The following SEMA6D variants were observed in gnomAD, a reference collection of about 807,000 sequenced individuals.
SEMA6D encodes the protein semaphorin 6D, also known as semaphorin-6D.
Under a neutral mutation model 106.6 loss-of-function variants are expected in SEMA6D, and 35 were observed. That is an observed-to-expected ratio of 0.33 (90% CI 0.25 to 0.44). SEMA6D has a LOEUF of 0.44. Among genes scored for constraint, SEMA6D ranks in the 20% least tolerant of loss-of-function variants. The pLI is 1.00. For synonymous variants in SEMA6D, 499 were observed against 487.7 expected, an observed-to-expected ratio of 1.02 and a Z score of -0.31; for missense variants, 1,185 against 1,345.9, an observed-to-expected ratio of 0.88 and a Z score of 1.87.
At chr15:47,469,341 CGTGTGT>C (rs113272376) in intron 2 of SEMA6D, among the ~76,000 whole-genome samples, 2,484 of 147,098 alleles carry the variant, frequency 0.017, 78 homozygotes, top group African/African-American at 0.059. Context: ...CACGCATGTG[CGTGTGT>C]GTGTGTGTGT....
At chr15:47,669,877 T>G (rs988465191) in intron 4 of SEMA6D, among the ~76,000 whole-genome samples, 11 of 152,222 alleles carry the variant, frequency 7.2e-5, no homozygotes, top group African/African-American at 2.7e-4. Context: ...CCAACCCATC[T>G]TCTTCCAGAC....
Position 47,764,668 on chromosome 15 carries a change from C to T in SEMA6D, c.1128C>T (p.Ala376=), listed in dbSNP as rs769055999. The change falls in exon 12 of 19, where the codon GCC becomes GCT. Residue 376 remains alanine, a synonymous_variant. Transcript: ENST00000536845. ...RPGCCAKHGL[A]EAYKTSIDFP... ...GCTGTTGTGCAAAACACGGCCTTGCCGAAGCTTATAAAACCTCCATCGATT... is the reference window on the plus strand; with the variant it reads ...GCTGTTGTGCAAAACACGGCCTTGCTGAAGCTTATAAAACCTCCATCGATT... 17 of 1,613,890 alleles carry T rather than the reference C, an allele frequency of 1.1e-5. No homozygotes were observed. Among genetic ancestry groups the T allele is most frequent in the East Asian group, 2.2e-5 (1 of 44,892 alleles).
intron 1 of SEMA6D, among the ~76,000 whole-genome samples, chr15:47,229,390 T>TA (rs1356087682): frequency 2.6e-5 from 4 of 151,876 alleles, no homozygotes; most frequent in Non-Finnish European, 5.9e-5. Context: ...CATGTGGTCT[T>TA]AAAAAAATGG....
rs1195657551 is a variant in SEMA6D, at chr15:47,415,502, TCTC to T, written c.-159+3037_-159+3039del. 2.0e-5 allele frequency among the ~76,000 whole-genome samples: 3 copies of T among 152,026 alleles called. No individual in the cohort carries two copies. The East Asian group carries it at 5.8e-4, about 29-fold the overall frequency. Reference sequence around the variant, plus strand: ...AAACCCTGTGTATCTTCCTGCCCCTTCTCCTCCTCTCTACCCGCTCCCGTCTCC... The same window carrying T: ...AAACCCTGTGTATCTTCCTGCCCCTTCTCCTCTCTACCCGCTCCCGTCTCC... On this transcript the variant is annotated intron_variant, in intron 2 of 19. Transcript: ENST00000558014.
chr15:47,302,319 T>C (rs955490640), intron 1 of SEMA6D, among the ~76,000 whole-genome samples: 2 of 152,230 alleles, frequency 1.3e-5, no homozygotes, highest in African/African-American at 4.8e-5. Context: ...AGCCCTTTTC[T>C]GTCTCTTGCA....
chr15:47,395,031 C>CA (rs1595896585), intron 1 of SEMA6D, among the ~76,000 whole-genome samples: 1 of 151,952 alleles, frequency 6.6e-6, no homozygotes, highest in Non-Finnish European at 1.5e-5. Context: ...CAAATATATG[C>CA]AGCTTTCCTG....
intron 3 of SEMA6D, among the ~76,000 whole-genome samples, chr15:47,485,727 C>T (rs543934143): frequency 6.6e-6 from 1 of 152,268 alleles, no homozygotes; most frequent in Admixed American, 6.5e-5. Flanking sequence ...AGGCATAGCA[C>T]CGAGCCACAG....
chr15:47,352,984 T>C (rs1446625275), intron 1 of SEMA6D, among the ~76,000 whole-genome samples: 4 of 152,150 alleles, frequency 2.6e-5, no homozygotes, highest in Non-Finnish European at 5.9e-5. Flanking sequence ...TCTATACAAA[T>C]GTTTATTTAA....
intron 3 of SEMA6D, among the ~76,000 whole-genome samples, chr15:47,581,065 C>T (rs1319763332): frequency 6.6e-6 from 1 of 152,198 alleles, no homozygotes; most frequent in Admixed American, 6.5e-5. Flanking sequence ...CTTGTTCTAT[C>T]GCATTACAAT....
Position 47,650,699 on chromosome 15 carries a change from A to C in SEMA6D, c.-55+49803A>C, listed in dbSNP as rs9888694. Reference sequence around the variant, plus strand: ...TCCCCTATAGAGAATAGGAAAATGCAGATTAAAGAGATGAAGCAATTCACG... The same window carrying C: ...TCCCCTATAGAGAATAGGAAAATGCCGATTAAAGAGATGAAGCAATTCACG... On this transcript the variant is annotated intron_variant, in intron 4 of 19. Transcript: ENST00000558014. 8.5e-3 allele frequency among the ~76,000 whole-genome samples: 1,295 copies of C among 152,310 alleles called. 22 individuals carry two copies. The highest frequency in any genetic ancestry group is 0.03 in the African/African-American group (1,252 of 41,570).
chr15:47,676,971 A>G (rs1301564485), intron 4 of SEMA6D, among the ~76,000 whole-genome samples: 3 of 152,168 alleles, frequency 2.0e-5, no homozygotes, highest in East Asian at 3.9e-4. Flanking sequence ...GTTCCACCTC[A>G]GATCATCAGG....
At chr15:47,654,576 G>A (rs576382286) in intron 4 of SEMA6D, among the ~76,000 whole-genome samples, 3 of 152,296 alleles carry the variant, frequency 2.0e-5, no homozygotes, top group Admixed American at 6.5e-5. Context: ...CAATGTTGGC[G>A]ATTGGGCCTG....
At chr15:47,365,386 G>A (rs1444087513) in intron 1 of SEMA6D, among the ~76,000 whole-genome samples, 33 of 152,126 alleles carry the variant, frequency 2.2e-4, no homozygotes, top group Admixed American at 2.2e-3. Context: ...CCCGCAGGTG[G>A]ATCACCCCCA....
At chr15:47,582,937 T>C (rs1041717247) in intron 3 of SEMA6D, among the ~76,000 whole-genome samples, 1 of 152,202 alleles carries the variant, frequency 6.6e-6, no homozygotes, top group African/African-American at 2.4e-5. Flanking sequence ...CCACAAAATA[T>C]TGCCAAGCCC....
chr15:47,341,249 G>T (rs1180087769), intron 1 of SEMA6D, among the ~76,000 whole-genome samples: 3 of 152,046 alleles, frequency 2.0e-5, no homozygotes, highest in Admixed American at 6.5e-5. Flanking sequence ...AATTAAGCAG[G>T]TGTGGTGGTG....
intron 1 of SEMA6D, among the ~76,000 whole-genome samples, chr15:47,354,957 G>A (rs1440227075): frequency 6.6e-6 from 1 of 152,164 alleles, no homozygotes; most frequent in Non-Finnish European, 1.5e-5. Flanking sequence ...GATGTGTTAT[G>A]TAGTATTTGA....
At chr15:47,292,574 C>T (rs992437659) in intron 1 of SEMA6D, among the ~76,000 whole-genome samples, 1 of 152,062 alleles carries the variant, frequency 6.6e-6, no homozygotes, top group African/African-American at 2.4e-5. Context: ...TGAGCCGGGT[C>T]CTGAGATCTG....
At position 47,549,358 on chromosome 15, in the gene SEMA6D, G is replaced by C. The variant is rs149726551; in HGVS notation, c.-86-51507G>C. 1.7e-3 allele frequency among the ~76,000 whole-genome samples: 266 copies of C among 152,256 alleles called. 2 individuals are homozygous for C. Among genetic ancestry groups the C allele is most frequent in the Middle Eastern group, 3.4e-3 (1 of 294 alleles). ...CCCTGAGGGTCCCAGAAGCCCATCT[G>C]CTTTACAGAGTGGCTGTGGGAGGGC... On this transcript the variant is annotated intron_variant, in intron 3 of 19. Coordinates refer to the SEMA6D transcript ENST00000558014.
At chr15:47,582,011 G>A (rs969728453) in intron 3 of SEMA6D, among the ~76,000 whole-genome samples, 4 of 152,194 alleles carry the variant, frequency 2.6e-5, no homozygotes, top group Non-Finnish European at 5.9e-5. Context: ...AACAGATTCT[G>A]GATCCATTAA....
Sources: allele counts gnomAD v4.1 joint callset (sites outside exome capture counted in the v4.1 genomes callset), GRCh38; gene constraint gnomAD v4.1.1; transcripts MANE v1.5; gene names NCBI Gene and HGNC (gene_info 2026-07-23, HGNC 2026-07-21).